CTNNA3: variants seen among roughly 807,000 people sequenced by gnomAD.
CTNNA3 encodes the protein catenin alpha 3, also known as catenin alpha-3.
In CTNNA3, 76 loss-of-function variants were observed where a neutral mutation model predicts 95.7. That is an observed-to-expected ratio of 0.79 (90% CI 0.66 to 0.96). The LOEUF (loss-of-function observed/expected upper bound fraction) is 0.96, where lower values mean the gene tolerates loss of function less well. Among genes scored for constraint, CTNNA3 ranks in the 40% least tolerant of loss-of-function variants. The probability of loss-of-function intolerance (pLI) is 0.00; values close to 1 mark genes in which losing one functional copy is unlikely to be tolerated. For synonymous variants in CTNNA3, 431 were observed against 374.4 expected, an observed-to-expected ratio of 1.15 and a Z score of -1.74; for missense variants, 1,191 against 1,089.8, an observed-to-expected ratio of 1.09 and a Z score of -1.31.
chr10:67,658,228 T>C (rs1344904988), intron 1 of CTNNA3, among the ~76,000 whole-genome samples: 1 of 152,122 alleles, frequency 6.6e-6, no homozygotes, highest in African/African-American at 2.4e-5. Context: ...AGTTTCCTAA[T>C]CCATAAAATG....
chr10:66,740,302 A>G (rs1453842502), intron 9 of CTNNA3, among the ~76,000 whole-genome samples: 1 of 152,210 alleles, frequency 6.6e-6, no homozygotes, highest in African/African-American at 2.4e-5. Flanking sequence ...TTTCTGAATG[A>G]CGATGCAAAA....
chr10:66,329,601 A>G (rs1315539540), intron 12 of CTNNA3, among the ~76,000 whole-genome samples: 3 of 152,110 alleles, frequency 2.0e-5, no homozygotes, highest in Admixed American at 2.0e-4. Flanking sequence ...ACCTACTACA[A>G]AAGTACTATC....
chr10:66,790,326 G>C (rs1840920262), intron 7 of CTNNA3, among the ~76,000 whole-genome samples: 1 of 152,026 alleles, frequency 6.6e-6, no homozygotes, highest in Non-Finnish European at 1.5e-5. Flanking sequence ...GTGCACATCT[G>C]TAATCCCAGC....
At chr10:67,688,978 G>A (rs1840789501) in intron 1 of CTNNA3, among the ~76,000 whole-genome samples, 1 of 152,120 alleles carries the variant, frequency 6.6e-6, no homozygotes, top group African/African-American at 2.4e-5. Flanking sequence ...CCTTACTGAT[G>A]CATTCTCAAA....
At chr10:67,545,364 A>G (rs1005062453) in intron 3 of CTNNA3, among the ~76,000 whole-genome samples, 1 of 152,160 alleles carries the variant, frequency 6.6e-6, no homozygotes, top group African/African-American at 2.4e-5. Context: ...TGTAAAATAT[A>G]CTGAAGACCT....
intron 13 of CTNNA3, among the ~76,000 whole-genome samples, chr10:66,162,730 G>A (rs1262691709): frequency 1.3e-5 from 2 of 152,086 alleles, no homozygotes; most frequent in Non-Finnish European, 2.9e-5. Flanking sequence ...ATCAGGTATA[G>A]TAGTATGGAG....
chr10:67,641,890 G>A (rs1166175985), intron 2 of CTNNA3, among the ~76,000 whole-genome samples: 2 of 152,144 alleles, frequency 1.3e-5, no homozygotes, highest in South Asian at 2.1e-4. Flanking sequence ...GATAGCATTA[G>A]GAGGTATACC....
intron 11 of CTNNA3, among the ~76,000 whole-genome samples, chr10:66,433,258 CCCA>C (rs2093311721): frequency 6.6e-6 from 1 of 152,188 alleles, no homozygotes; most frequent in Non-Finnish European, 1.5e-5. Context: ...AATTTACACT[CCCA>C]CCAACAGTAT....
At chr10:67,066,460 G>C (rs1856091240) in intron 7 of CTNNA3, among the ~76,000 whole-genome samples, 1 of 148,536 alleles carries the variant, frequency 6.7e-6, no homozygotes, top group Non-Finnish European at 1.5e-5. Flanking sequence ...CAAAGTGCTA[G>C]AATTGTAGGT....
In CTNNA3 at chr10:67,141,887, A is replaced by G. The variant is rs1860585488; in HGVS notation, c.1047+38430T>C. Among the ~76,000 whole-genome samples, 2 of 152,242 alleles carry G rather than the reference A, an allele frequency of 1.3e-5. 1 individual carries two copies. The highest frequency in any genetic ancestry group is 4.1e-4 in the South Asian group (2 of 4,828). On this transcript the variant is annotated intron_variant, in intron 7 of 17. Transcript: ENST00000433211. ...TTATTTATAGATTTTAGAGGCACAT[A>G]AAACCTAGGCCCCAAGCCAATTTAC...
chr10:67,060,096 A>T (rs1855674633), intron 7 of CTNNA3, among the ~76,000 whole-genome samples: 1 of 152,124 alleles, frequency 6.6e-6, no homozygotes, highest in African/African-American at 2.4e-5. Context: ...CGGGTGGATC[A>T]CTTGAGCCTA....
chr10:67,611,205 A>C (rs1843442837), intron 2 of CTNNA3, among the ~76,000 whole-genome samples: 1 of 152,224 alleles, frequency 6.6e-6, no homozygotes, highest in South Asian at 2.1e-4. Flanking sequence ...TGCTTCTCTA[A>C]ATGCTCTAAA....
intron 11 of CTNNA3, among the ~76,000 whole-genome samples, chr10:66,401,242 A>G (rs2093017339): frequency 1.3e-5 from 2 of 152,108 alleles, no homozygotes; most frequent in South Asian, 4.1e-4. Context: ...AAATATACAT[A>G]TAGTCCGGGA....
chr10:66,769,591 T>C (rs1840004678), intron 8 of CTNNA3, among the ~76,000 whole-genome samples: 1 of 152,226 alleles, frequency 6.6e-6, no homozygotes, highest in Non-Finnish European at 1.5e-5. Flanking sequence ...CTTGTGTGCC[T>C]TCCTTGTGTC....
At chr10:66,881,618 TCTTGGGTGTGGGCC>T (rs1220991815) in intron 7 of CTNNA3, among the ~76,000 whole-genome samples, 1 of 152,082 alleles carries the variant, frequency 6.6e-6, no homozygotes, top group Non-Finnish European at 1.5e-5. Flanking sequence ...CTGTTGTCAT[TCTTGGGTGTGGGCC>T]CTTGGGTATA....
intron 10 of CTNNA3, among the ~76,000 whole-genome samples, chr10:66,608,412 AC>A (rs977631392): frequency 2.6e-5 from 4 of 152,068 alleles, no homozygotes; most frequent in African/African-American, 9.7e-5. Flanking sequence ...CTATTAAACT[AC>A]CAATGACACT....
chr10:66,146,811 C>T (rs565955520), intron 13 of CTNNA3, among the ~76,000 whole-genome samples: 15 of 152,310 alleles, frequency 9.8e-5, no homozygotes, highest in African/African-American at 3.4e-4. Context: ...CGCGCCTCAG[C>T]TTCCCAAAGT....
chr10:66,581,262 A>T (rs564137126), intron 10 of CTNNA3, among the ~76,000 whole-genome samples: 1 of 151,966 alleles, frequency 6.6e-6, no homozygotes, highest in African/African-American at 2.4e-5. Context: ...GTAGATACCC[A>T]GTAGTGAGAT....
At position 66,775,324 on chromosome 10, in the gene CTNNA3, C is replaced by CT. The variant is rs5785786; in HGVS notation, c.1128+119dup. The CT allele has an allele frequency of 0.81, 528,382 of 650,072 alleles. 216,371 individuals carry two copies. Among genetic ancestry groups the CT allele is most frequent in the East Asian group, 1 (36,029 of 36,074 alleles). The allele number at this position is 650,072 out of a possible 1,614,324, so 40.3% of individuals were successfully genotyped here. On this transcript the variant is annotated intron_variant, in intron 8 of 17. Transcript: ENST00000433211. ...TAAATGTGGAAAGTATATATTTACTCTTTTTTTCCTGTTCTAAATTAATTT... is the reference window on the plus strand; with the variant it reads ...TAAATGTGGAAAGTATATATTTACTCTTTTTTTTCCTGTTCTAAATTAATTT...
Sources: gnomAD v4.1 joint callset for allele counts (sites outside exome capture counted in the v4.1 genomes callset) on GRCh38, gnomAD v4.1.1 for gene constraint, MANE v1.5 for transcripts, NCBI Gene and HGNC (gene_info 2026-07-23, HGNC 2026-07-21) for gene names.